ANKS1B: variants seen among roughly 807,000 people sequenced by gnomAD.
ANKS1B encodes the protein ankyrin repeat and sterile alpha motif domain-containing protein 1B.
A neutral mutation model predicts 148.3 loss-of-function variants in ANKS1B; 36 were observed. The observed-to-expected ratio is 0.24, with a 90% CI of 0.19 to 0.32. The LOEUF (loss-of-function observed/expected upper bound fraction) is 0.32, where lower values mean the gene tolerates loss of function less well. Ranked by LOEUF, ANKS1B falls within the 10% of genes least tolerant of loss-of-function variation. The probability of loss-of-function intolerance (pLI) is 1.00; values close to 1 mark genes in which losing one functional copy is unlikely to be tolerated. For missense variants in ANKS1B, 1,157 were observed against 1,542.6 expected (o/e 0.75, Z 4.19); for synonymous variants, 542 against 560.8 (o/e 0.97, Z 0.47).
At chr12:99,732,131 C>T (rs2059221856) in intron 8 of ANKS1B, among the ~76,000 whole-genome samples, 1 of 152,016 alleles carries the variant, frequency 6.6e-6, no homozygotes, top group Non-Finnish European at 1.5e-5. Flanking sequence ...ATTAAAATGG[C>T]TAAAACTTAA....
chr12:98,905,539 G>T (rs2099777812), intron 17 of ANKS1B, among the ~76,000 whole-genome samples: 1 of 152,090 alleles, frequency 6.6e-6, no homozygotes, highest in Non-Finnish European at 1.5e-5. Context: ...CGGGGCCGAG[G>T]TGGGAGGACT....
chr12:99,871,608 C>CT (rs1279610400), intron 1 of ANKS1B, among the ~76,000 whole-genome samples: 1 of 151,912 alleles, frequency 6.6e-6, no homozygotes, highest in Non-Finnish European at 1.5e-5. Context: ...AGTAGTTCTC[C>CT]TTGTAGAAAT....
chr12:98,899,600 A>G (rs565416841), intron 17 of ANKS1B, among the ~76,000 whole-genome samples: 1 of 152,184 alleles, frequency 6.6e-6, no homozygotes, highest in South Asian at 2.1e-4. Context: ...CGGCTCATCC[A>G]CAAGAGTTTT....
At chr12:99,018,818 C>T (rs1190530252) in intron 17 of ANKS1B, among the ~76,000 whole-genome samples, 1 of 152,150 alleles carries the variant, frequency 6.6e-6, no homozygotes, top group East Asian at 1.9e-4. Context: ...TAGAGGGCAC[C>T]TGTAATCCCA....
Position 99,610,458 on chromosome 12 carries a change from A to T in ANKS1B, c.1272+44609T>A, listed in dbSNP as rs547733861. ...CTTTACAGCCAGCCTCTACACAGAA[A>T]GGTGGGGAAAGGTCAGAATAATATT... On this transcript the variant is annotated intron_variant, in intron 9 of 26. Coordinates refer to ENST00000683438, the MANE Select transcript of ANKS1B (RefSeq NM_001352186.2). Among the ~76,000 whole-genome samples, 4 of 152,206 alleles carry T rather than the reference A, an allele frequency of 2.6e-5. No individual in the cohort carries two copies. In the South Asian group the frequency reaches 8.3e-4, roughly 32 times the overall value.
At chr12:99,238,786 G>A (rs913381749) in intron 14 of ANKS1B, among the ~76,000 whole-genome samples, 3 of 152,136 alleles carry the variant, frequency 2.0e-5, no homozygotes, top group African/African-American at 7.2e-5. Context: ...TCTGGAGTGG[G>A]CCTCCAGCAA....
Position 99,710,499 on chromosome 12 carries a change from T to C in ANKS1B, c.1129-55289A>G, listed in dbSNP as rs12307859. 9.7e-3 allele frequency among the ~76,000 whole-genome samples: 1,474 copies of C among 152,204 alleles called. 32 individuals carry two copies. Among genetic ancestry groups the C allele is most frequent in the African/African-American group, 0.033 (1,386 of 41,532 alleles). ...TTCACTGAGATCTCAAGTCTATGTA[T>C]TGTGAACATATGTTTTGTGGGGGAA... On this transcript the variant is annotated intron_variant, in intron 8 of 26. Transcript: ENST00000683438.
At chr12:99,320,963 A>G (rs1189293846) in intron 12 of ANKS1B, among the ~76,000 whole-genome samples, 1 of 152,146 alleles carries the variant, frequency 6.6e-6, no homozygotes, top group Non-Finnish European at 1.5e-5. Flanking sequence ...AGTTTGCTGG[A>G]GGTCCACTCC....
intron 9 of ANKS1B, among the ~76,000 whole-genome samples, chr12:99,610,123 T>A (rs1273574726): frequency 6.6e-6 from 1 of 152,028 alleles, no homozygotes; most frequent in Non-Finnish European, 1.5e-5. Context: ...AAGAAAAGCA[T>A]AACAGATTTA....
intron 11 of ANKS1B, among the ~76,000 whole-genome samples, chr12:99,416,882 C>T (rs2094926116): frequency 6.6e-6 from 1 of 151,996 alleles, no homozygotes; most frequent in Non-Finnish European, 1.5e-5. Flanking sequence ...AGGTGCTAGT[C>T]ACACCTTATT....
intron 10 of ANKS1B, among the ~76,000 whole-genome samples, chr12:99,501,845 T>C (rs1424823724): frequency 6.6e-6 from 1 of 152,194 alleles, no homozygotes; most frequent in Non-Finnish European, 1.5e-5. Flanking sequence ...TATTTCTTAC[T>C]AACCAACTAA....
At chr12:99,035,932 A>G (rs2099955267) in intron 17 of ANKS1B, among the ~76,000 whole-genome samples, 1 of 152,204 alleles carries the variant, frequency 6.6e-6, no homozygotes, top group Admixed American at 6.5e-5. Context: ...CTGAGGTTCC[A>G]CTGGGTGAGC....
At chr12:99,362,106 T>C (rs1246217903) in intron 12 of ANKS1B, among the ~76,000 whole-genome samples, 3 of 152,050 alleles carry the variant, frequency 2.0e-5, no homozygotes, top group Admixed American at 6.6e-5. Context: ...CATAAGGACA[T>C]TGCACAGCTT....
At chr12:99,363,870 T>A (rs1394233287) in intron 12 of ANKS1B, among the ~76,000 whole-genome samples, 1 of 152,148 alleles carries the variant, frequency 6.6e-6, no homozygotes, top group African/African-American at 2.4e-5. Flanking sequence ...ACGGGAGATA[T>A]ATTCATTTGA....
chr12:99,589,958 AT>A (rs1384633102), intron 9 of ANKS1B, among the ~76,000 whole-genome samples: 1 of 152,164 alleles, frequency 6.6e-6, no homozygotes, highest in African/African-American at 2.4e-5. Context: ...ACTATTATGT[AT>A]CCACATAACT....
chr12:99,097,313 T>C (rs1315995908), intron 15 of ANKS1B: 1 of 152,138 alleles, frequency 6.6e-6, no homozygotes, highest in African/African-American at 2.4e-5. Context: ...AAAATGTTCT[T>C]AATTTTTTTT....
intron 12 of ANKS1B, among the ~76,000 whole-genome samples, chr12:99,284,166 T>C (rs1217540336): frequency 6.6e-6 from 1 of 152,186 alleles, no homozygotes; most frequent in Non-Finnish European, 1.5e-5. Flanking sequence ...CAGGGGATCA[T>C]CTGATCCTAG....
intron 9 of ANKS1B, chr12:99,647,970 G>A: frequency 1.5e-6 from 1 of 661,560 alleles, no homozygotes; most frequent in Non-Finnish European, 2.5e-6. Context: ...CTGGATCCAG[G>A]GGACTGACTG....
intron 8 of ANKS1B, among the ~76,000 whole-genome samples, chr12:99,741,077 G>A (rs559246333): frequency 4.5e-4 from 68 of 151,970 alleles, no homozygotes; most frequent in South Asian, 6.2e-4. Flanking sequence ...GTGTGGTGGC[G>A]CGTACATGTA....
Sources: allele counts gnomAD v4.1 joint callset (sites outside exome capture counted in the v4.1 genomes callset), GRCh38; gene constraint gnomAD v4.1.1; transcripts MANE v1.5; gene names NCBI Gene and HGNC (gene_info 2026-07-23, HGNC 2026-07-21).